EXT1: variants seen among roughly 807,000 people sequenced by gnomAD.
EXT1 encodes the protein exostosin-1.
In EXT1, 20 loss-of-function variants were observed where a neutral mutation model predicts 82.5. The observed-to-expected ratio is 0.24, with a 90% confidence interval of 0.17 to 0.35. EXT1 has a LOEUF of 0.35. Among genes scored for constraint, EXT1 ranks in the 10% least tolerant of loss-of-function variants. The pLI, the probability that EXT1 is intolerant of heterozygous loss-of-function variation, is 1.00. For missense variants in EXT1, 757 were observed against 936.5 expected (o/e 0.81, Z 2.50); for synonymous variants, 348 against 350.8 (o/e 0.99, Z 0.09).
intron 1 of EXT1, among the ~76,000 whole-genome samples, chr8:117,954,958 G>A (rs1814559234): frequency 6.6e-6 from 1 of 152,156 alleles, no homozygotes; most frequent in South Asian, 2.1e-4. Context: ...TCACAAGTCT[G>A]GGTCTCCTAT....
chr8:118,079,914 T>C (rs1817280955), intron 1 of EXT1, among the ~76,000 whole-genome samples: 1 of 152,072 alleles, frequency 6.6e-6, no homozygotes, highest in Non-Finnish European at 1.5e-5. Context: ...ATAGAAAAGG[T>C]GTCATTTACA....
intron 1 of EXT1, among the ~76,000 whole-genome samples, chr8:117,914,650 T>A (rs1454166363): frequency 6.6e-6 from 1 of 152,134 alleles, no homozygotes; most frequent in Non-Finnish European, 1.5e-5. Flanking sequence ...ATGTCTATCT[T>A]ATGCGGTTGA....
chr8:117,870,387 T>C (rs1451685211), intron 1 of EXT1, among the ~76,000 whole-genome samples: 1 of 152,226 alleles, frequency 6.6e-6, no homozygotes, highest in Non-Finnish European at 1.5e-5. Context: ...CAACATTTGA[T>C]GCTAGTCTGT....
At chr8:117,903,950 T>C (rs1813497615) in intron 1 of EXT1, among the ~76,000 whole-genome samples, 1 of 152,238 alleles carries the variant, frequency 6.6e-6, no homozygotes, top group Admixed American at 6.5e-5. Flanking sequence ...CTCAGAGAAT[T>C]TGTAAAGTAT....
At chr8:117,813,930 C>G (rs537560530) in intron 7 of EXT1, among the ~76,000 whole-genome samples, 1 of 151,608 alleles carries the variant, frequency 6.6e-6, no homozygotes, top group South Asian at 2.1e-4. Context: ...CACTTGAACC[C>G]GGGAGGCAGA....
At chr8:117,833,448 C>G (rs915012522) in intron 3 of EXT1, among the ~76,000 whole-genome samples, 1 of 152,118 alleles carries the variant, frequency 6.6e-6, no homozygotes, top group Non-Finnish European at 1.5e-5. Flanking sequence ...AACACCATCT[C>G]TACTAAAAAT....
chr8:118,055,169 C>T (rs1346684612), intron 1 of EXT1, among the ~76,000 whole-genome samples: 2 of 152,170 alleles, frequency 1.3e-5, no homozygotes, highest in African/African-American at 4.8e-5. Context: ...TGTACTGCAA[C>T]CACTAATCTG....
chr8:118,041,689 G>GGAAGGAAGGAAGGAAT (rs1424574979), intron 1 of EXT1, among the ~76,000 whole-genome samples: 10 of 149,794 alleles, frequency 6.7e-5, no homozygotes, highest in African/African-American at 2.4e-4. Flanking sequence ...AAGGAAGGAA[G>GGAAGGAAGGAAGGAAT]GAAGGAAGGA....
At chr8:117,992,313 C>G (rs1815450112) in intron 1 of EXT1, among the ~76,000 whole-genome samples, 1 of 151,968 alleles carries the variant, frequency 6.6e-6, no homozygotes, top group South Asian at 2.1e-4. Flanking sequence ...ATAAACTCTT[C>G]CTTATGCTAT....
intron 1 of EXT1, among the ~76,000 whole-genome samples, chr8:118,006,981 CAATT>C (rs1456557430): frequency 6.6e-6 from 1 of 152,160 alleles, no homozygotes; most frequent in Non-Finnish European, 1.5e-5. Context: ...TTAGAGTTGG[CAATT>C]AATTCAATTT....
At chr8:117,946,060 C>A (rs1440012785) in intron 1 of EXT1, among the ~76,000 whole-genome samples, 1 of 152,000 alleles carries the variant, frequency 6.6e-6, no homozygotes, top group African/African-American at 2.4e-5. Context: ...CCACCATGCC[C>A]GGCTAATTTT....
At chr8:118,106,942 A>T (rs182707667) in intron 1 of EXT1, among the ~76,000 whole-genome samples, 20 of 152,340 alleles carry the variant, frequency 1.3e-4, no homozygotes, top group African/African-American at 4.8e-4. Context: ...TGGGTCAAAA[A>T]ATGACAAAAG....
chr8:118,067,809 T>C (rs1817018410), intron 1 of EXT1, among the ~76,000 whole-genome samples: 2 of 152,232 alleles, frequency 1.3e-5, no homozygotes, highest in African/African-American at 2.4e-5. Flanking sequence ...GTGACATTTG[T>C]GTTGATTCAT....
chr8:118,051,199 C>T (rs532500380), intron 1 of EXT1, among the ~76,000 whole-genome samples: 4 of 151,980 alleles, frequency 2.6e-5, no homozygotes, highest in African/African-American at 9.7e-5. Flanking sequence ...TGACAGGGCA[C>T]GGTGGCATGC....
At chr8:117,983,935 G>A (rs1233058075) in intron 1 of EXT1, among the ~76,000 whole-genome samples, 1 of 152,188 alleles carries the variant, frequency 6.6e-6, no homozygotes, top group Non-Finnish European at 1.5e-5. Flanking sequence ...AGTTGTAGTT[G>A]AGAAATGGAA....
At chr8:117,829,504 GA>G (rs1812060668) in intron 4 of EXT1, among the ~76,000 whole-genome samples, 1 of 149,470 alleles carries the variant, frequency 6.7e-6, no homozygotes, top group African/African-American at 2.4e-5. Flanking sequence ...GTGGTGCCCA[GA>G]AAACTACTCA....
intron 1 of EXT1, among the ~76,000 whole-genome samples, chr8:117,856,942 C>T (rs775131242): frequency 7.9e-5 from 12 of 152,088 alleles, no homozygotes; most frequent in Non-Finnish European, 1.8e-4. Context: ...TGCTCATTTA[C>T]CACTCCAAAA....
intron 6 of EXT1, 33 bp downstream of exon 6, chr8:117,819,643 A>C (rs1811888798): frequency 2.5e-6 from 4 of 1,575,478 alleles, no homozygotes; most frequent in African/African-American, 1.3e-5. Context: ...GAGCTGGAGC[A>C]GGCAGGGGCT....
chr8:118,029,512 G>A (rs1169157668), intron 1 of EXT1, among the ~76,000 whole-genome samples: 4 of 152,158 alleles, frequency 2.6e-5, no homozygotes, highest in African/African-American at 9.7e-5. Flanking sequence ...GAAATGTGAG[G>A]TCAGGTAGAT....
Sources: allele counts gnomAD v4.1 joint callset (sites outside exome capture counted in the v4.1 genomes callset), GRCh38; gene constraint gnomAD v4.1.1; transcripts MANE v1.5; gene names NCBI Gene and HGNC (gene_info 2026-07-23, HGNC 2026-07-21).